The following FAAP20 variants were observed in gnomAD, a reference collection of about 807,000 sequenced individuals.
The protein encoded by FAAP20 is FA core complex associated protein 20.
A neutral mutation model predicts 16.2 loss-of-function variants in FAAP20; 12 were observed. The ratio of observed to expected loss-of-function variants is 0.74; its 90% CI spans 0.48 to 1.20. The LOEUF (loss-of-function observed/expected upper bound fraction) is 1.20, where lower values mean the gene tolerates loss of function less well. Among genes scored for constraint, FAAP20 ranks in the 50% most tolerant of loss-of-function variants. The pLI, the probability that FAAP20 is intolerant of heterozygous loss-of-function variation, is 0.00. For missense variants in FAAP20, 288 were observed against 245.8 expected (o/e 1.17, Z -1.15); for synonymous variants, 141 against 110.7 (o/e 1.27, Z -1.72).
chr1:2,187,674 A>T (rs972486111), downstream of FAAP20, among the ~76,000 whole-genome samples: 2 of 152,354 alleles, frequency 1.3e-5, no homozygotes, highest in South Asian at 4.1e-4. Flanking sequence ...CAGAAGGTGC[A>T]GCCAAGTCCC....
At chr1:2,207,530 CG>C, downstream of FAAP20, 1 of 152,482 alleles carries the variant, frequency 6.6e-6, no homozygotes, top group Non-Finnish European at 1.5e-5. Flanking sequence ...CGGCCCTACC[CG>C]GGGCCCGGAC....
intron 1 of FAAP20, 112 bp from the exon 2 acceptor site, chr1:2,194,245 G>A (rs1364356083): frequency 3.6e-6 from 5 of 1,404,278 alleles, no homozygotes; most frequent in Non-Finnish European, 3.8e-6. Context: ...GGTACTAGAG[G>A]GAAATTCGAT....
At chr1:2,202,070 T>G (rs540468556), upstream of FAAP20, among the ~76,000 whole-genome samples, 223 of 152,038 alleles carry the variant, frequency 1.5e-3, no homozygotes, top group African/African-American at 5.1e-3. Context: ...GCCTGAAAGT[T>G]ATGGCCCAAA....
chr1:2,201,933 C>T (rs534153188), upstream of FAAP20, among the ~76,000 whole-genome samples: 24 of 150,220 alleles, frequency 1.6e-4, no homozygotes, highest in East Asian at 1.6e-3. Flanking sequence ...AGGAGAAAGG[C>T]GTGAACCCGG....
At chr1:2,201,802 A>G (rs529952672), upstream of FAAP20, among the ~76,000 whole-genome samples, 308 of 152,190 alleles carry the variant, frequency 2.0e-3, 3 homozygotes, top group African/African-American at 7.1e-3. Context: ...CGGATCACGA[A>G]GTCAGGAGCT....
rs1688550563 is a variant in FAAP20, at chr1:2,193,893, C to CG, written c.215dup (p.Glu73GlyfsTer4). The CG allele has an allele frequency of 6.2e-7, 1 of 1,612,272 alleles. No homozygotes were observed. Among genetic ancestry groups the CG allele is most frequent in the East Asian group, 2.2e-5 (1 of 44,874 alleles). On this transcript the variant is annotated frameshift_variant, in exon 3 of 4. Transcript: ENST00000378546. LOFTEE classifies it high-confidence loss of function. ...CGACAGTGAAGACTTCAGTGGGCTC[C>CG]GGGCCGCACCTGGGCTCCTGCAACA...
chr1:2,192,910 T>C (rs1312417769), intron 3 of FAAP20: 2 of 1,303,280 alleles, frequency 1.5e-6, no homozygotes, highest in East Asian at 5.5e-5. Context: ...TTTTCTTTTG[T>C]TGTTGTTGTT....
upstream of FAAP20, chr1:2,203,612 A>G (rs1689129842): frequency 5.1e-6 from 5 of 985,924 alleles, no homozygotes; most frequent in Non-Finnish European, 6.0e-6. Flanking sequence ...GGACTCCAGG[A>G]TGCAGCTGCG....
At chr1:2,206,092 G>A (rs1022324792) in intron 3 of FAAP20, among the ~76,000 whole-genome samples, 1 of 152,238 alleles carries the variant, frequency 6.6e-6, no homozygotes, top group African/African-American at 2.4e-5. Context: ...ATGGGAGGGG[G>A]GCAGGGCCTT....
upstream of FAAP20, among the ~76,000 whole-genome samples, chr1:2,196,376 A>G (rs1487589549): frequency 6.6e-6 from 1 of 152,176 alleles, no homozygotes; most frequent in African/African-American, 2.4e-5. This position sits in a 1 kb window ranked among gnomAD's most constrained non-coding sequence, Gnocchi z 4.5. Context: ...AGCCTGGGCA[A>G]CATGGCAAGA....
Position 2,193,758 on chromosome 1 carries a change from G to T in FAAP20, c.351C>A (p.Ser117=). ...AGGHLESPAR[S]LPQRPAPDPC... is the part of the protein sequence containing the mutation. ...GATCAGGTGCCGGGCGCTGGGGCAG[G>T]GACCTGGCGGGGGATTCCAGGTGCC... Residue 117 remains serine, a synonymous_variant, in exon 3 of 4, where the codon TCC becomes TCA. Coordinates refer to ENST00000378546, the MANE Select transcript of FAAP20 (RefSeq NM_182533.4). 2.5e-6 allele frequency: 4 copies of T among 1,592,284 alleles called. No individual in the cohort carries two copies. Among genetic ancestry groups the T allele is most frequent in the Non-Finnish European group, 3.4e-6 (4 of 1,173,188 alleles).
chr1:2,207,402 C>T (rs926655990), downstream of FAAP20, among the ~76,000 whole-genome samples: 9 of 152,144 alleles, frequency 5.9e-5, no homozygotes, highest in Admixed American at 4.6e-4. Flanking sequence ...ACAGTGAGCC[C>T]GCAAGGTCAG....
At chr1:2,188,770 C>A (rs1405921769), downstream of FAAP20, among the ~76,000 whole-genome samples, 1 of 152,154 alleles carries the variant, frequency 6.6e-6, no homozygotes, top group African/African-American at 2.4e-5. Context: ...CTTCGGGAGG[C>A]CGAGGCGGGC....
chr1:2,191,130 C>G (rs1178492900), intron 3 of FAAP20: 1 of 152,446 alleles, frequency 6.6e-6, no homozygotes, highest in Non-Finnish European at 1.5e-5. Context: ...GAAGCTTTCT[C>G]TAAGGTTGCC....
upstream of FAAP20, chr1:2,200,812 G>A (rs1001350631): frequency 4.0e-5 from 41 of 1,013,398 alleles, no homozygotes; most frequent in African/African-American, 6.7e-4. Flanking sequence ...GAGCTGGAAG[G>A]GGGCCCTTGG....
upstream of FAAP20, chr1:2,203,459 C>T: frequency 2.0e-6 from 2 of 985,842 alleles, no homozygotes; most frequent in Non-Finnish European, 2.4e-6. Context: ...CCTGCTGCTC[C>T]AGCTCAGTCC....
Position 2,189,641 on chromosome 1 carries a change from A to T in FAAP20, c.*68T>A. 7.7e-7 allele frequency: 1 copy of T among 1,293,798 alleles called. No individual in the cohort carries two copies. The highest frequency in any genetic ancestry group is 1.2e-5 in the South Asian group (1 of 82,652). The allele number at this position is 1,293,798 out of a possible 1,614,324, so 80.1% of individuals were successfully genotyped here. A position where few individuals can be genotyped will look rare whatever the true frequency, so the allele number is the denominator to read the frequency against. On this transcript the variant is annotated 3_prime_UTR_variant, in exon 4 of 4. Transcript: ENST00000378546. ...CGGGGCTGCTGGCGGGGGAGCCGAG[A>T]GGCGGGGCTGCTGGCGGGGGAGAGC...
downstream of FAAP20, among the ~76,000 whole-genome samples, chr1:2,209,513 C>G (rs1489135385): frequency 6.6e-6 from 1 of 152,248 alleles, no homozygotes. Flanking sequence ...TTTCCACACT[C>G]ACCCACCCAG....
rs1008606926 is a variant in FAAP20, at chr1:2,189,695, C to T, written c.*14G>A. 1 of 1,606,560 alleles carries T rather than the reference C, an allele frequency of 6.2e-7. No individual in the cohort carries two copies. Among genetic ancestry groups the T allele is most frequent in the Non-Finnish European group, 8.5e-7 (1 of 1,175,598 alleles). ...TCCGGGCGCCGCACTCTGCGCAGGGCTCTTGGATGGCGCTCACCACGTCAC... is the reference window on the plus strand; with the variant it reads ...TCCGGGCGCCGCACTCTGCGCAGGGTTCTTGGATGGCGCTCACCACGTCAC... On this transcript the variant is annotated 3_prime_UTR_variant, in exon 4 of 4. Transcript: ENST00000378546.
Sources: gnomAD v4.1 joint callset for allele counts (sites outside exome capture counted in the v4.1 genomes callset) on GRCh38, gnomAD v4.1.1 for gene constraint, Gnocchi (gnomAD v3.1) non-coding constraint, MANE v1.5 for transcripts, NCBI Gene and HGNC (gene_info 2026-07-23, HGNC 2026-07-21) for gene names.